VCL: variants seen among roughly 807,000 people sequenced by gnomAD.
The protein encoded by VCL is vinculin.
In VCL, 47 loss-of-function variants were observed where a neutral mutation model predicts 125.7. The observed-to-expected ratio is 0.37, with a 90% CI of 0.30 to 0.48. The LOEUF (loss-of-function observed/expected upper bound fraction) is 0.48, where lower values mean the gene tolerates loss of function less well. Ranked by LOEUF, VCL falls within the 20% of genes least tolerant of loss-of-function variation. The pLI is 0.99. For synonymous variants in VCL, 458 were observed against 514.6 expected, an observed-to-expected ratio of 0.89 and a Z score of 1.49; for missense variants, 1,069 against 1,455.5, an observed-to-expected ratio of 0.73 and a Z score of 4.32.
At position 74,097,351 on chromosome 10, in the gene VCL, C is replaced by G. The variant is rs763601034; in HGVS notation, c.1872+19C>G. Reference sequence around the variant, plus strand: ...GGAAGAGGTGGGTATCTGAGGTCTTCCATTTTTCTGTCAGCCTGTGCTATA... The same window carrying G: ...GGAAGAGGTGGGTATCTGAGGTCTTGCATTTTTCTGTCAGCCTGTGCTATA... On this transcript the variant is annotated intron_variant, in intron 13 of 21. Transcript: ENST00000211998. The surrounding 1 kb of genome is among the most constrained non-coding windows in gnomAD (Gnocchi z 4.1). The G allele has an allele frequency of 6.2e-7, 1 of 1,611,036 alleles. No homozygotes were observed. The highest frequency in any genetic ancestry group is 1.7e-5 in the Admixed American group (1 of 59,972).
At chr10:74,114,432 T>TGC (rs755935331) in intron 20 of VCL, 45 bp downstream of exon 20, 210 of 1,537,226 alleles carry the variant, frequency 1.4e-4, no homozygotes, top group African/African-American at 7.6e-4. Context: ...TGTGTGTGTG[T>TGC]GTGTGCGTGT....
At chr10:74,045,058 C>A (rs542298671) in intron 2 of VCL, among the ~76,000 whole-genome samples, 46 of 152,000 alleles carry the variant, frequency 3.0e-4, no homozygotes, top group Middle Eastern at 6.8e-3. Flanking sequence ...ATAGTCCCAG[C>A]CACCCAGGAG....
intron 18 of VCL, among the ~76,000 whole-genome samples, 167 bp from the exon 19 acceptor site, chr10:74,111,735 GAGGCTGA>G (rs1221408321): frequency 1.3e-5 from 2 of 152,138 alleles, no homozygotes; most frequent in Admixed American, 6.5e-5. Flanking sequence ...AGTGGCGCTG[GAGGCTGA>G]GAATTCCCCC....
chr10:74,072,386 G>C (rs1841674525), intron 4 of VCL, among the ~76,000 whole-genome samples: 1 of 152,008 alleles, frequency 6.6e-6, no homozygotes, highest in Non-Finnish European at 1.5e-5. Flanking sequence ...CAGAGACATG[G>C]CATGAAACCT....
In VCL at chr10:74,055,204, G is replaced by A. The variant is rs1841370982; in HGVS notation, c.239+12051G>A. Among the ~76,000 whole-genome samples, 2 of 152,068 alleles carry A rather than the reference G, an allele frequency of 1.3e-5. 1 individual carries two copies. The highest frequency in any genetic ancestry group is 4.2e-4 in the South Asian group (2 of 4,816). ...AGTCCCAGCTACTTGGGAGGCTGAG[G>A]TGGGAGAATGGCTTGAACCTGGGAG... On this transcript the variant is annotated intron_variant, in intron 2 of 21. Coordinates refer to ENST00000211998, the MANE Select transcript of VCL (RefSeq NM_014000.3).
intron 1 of VCL, among the ~76,000 whole-genome samples, chr10:74,035,108 T>C (rs959986444): frequency 3.9e-5 from 6 of 152,244 alleles, no homozygotes; most frequent in African/African-American, 1.2e-4. Flanking sequence ...TAGTTACGAC[T>C]TACATTGTAC....
chr10:74,060,667 AAAAAAG>A (rs1235749342), intron 2 of VCL, among the ~76,000 whole-genome samples: 2 of 151,434 alleles, frequency 1.3e-5, no homozygotes, highest in East Asian at 3.9e-4. Context: ...AAAAAAAAAA[AAAAAAG>A]AAAAAGAAAA....
At chr10:74,027,935 C>T (rs1242854904) in intron 1 of VCL, 1 of 152,120 alleles carries the variant, frequency 6.6e-6, no homozygotes, top group African/African-American at 2.4e-5. Context: ...CACAAATTTG[C>T]AAAAGAATTT....
intron 1 of VCL, among the ~76,000 whole-genome samples, chr10:74,040,565 GC>G (rs1390597003): frequency 2.0e-5 from 3 of 152,254 alleles, no homozygotes; most frequent in African/African-American, 7.2e-5. Context: ...CATGGCCATA[GC>G]TTTTTGAATG....
chr10:74,061,678 C>G (rs1018400906), intron 2 of VCL, among the ~76,000 whole-genome samples: 5 of 152,150 alleles, frequency 3.3e-5, no homozygotes, highest in African/African-American at 1.2e-4. Flanking sequence ...TTGGAGTTGT[C>G]CCACAGTTCA....
In VCL at chr10:74,042,042, A is replaced by T. The variant is rs144551857; in HGVS notation, c.169-1041A>T. On this transcript the variant is annotated intron_variant, in intron 1 of 21. Transcript: ENST00000211998. ...TACAAATTCATTCAATTTCCTAAGC[A>T]TTAGTACAACCAGTAGAATATTTTA... is the stretch of plus-strand genomic sequence containing the variant. Among the ~76,000 whole-genome samples the T allele has an allele frequency of 5.8e-3, 883 of 152,372 alleles. 6 individuals are homozygous for T. The highest frequency in any genetic ancestry group is 0.02 in the African/African-American group (836 of 41,596).
intron 1 of VCL, among the ~76,000 whole-genome samples, chr10:74,020,871 A>T (rs1037355275): frequency 9.2e-5 from 13 of 140,888 alleles, no homozygotes; most frequent in African/African-American, 3.3e-4. Context: ...AGAGAGCGAG[A>T]GATAAAACAG....
chr10:74,065,309 G>A (rs1014158336), intron 2 of VCL, among the ~76,000 whole-genome samples: 2 of 151,898 alleles, frequency 1.3e-5, no homozygotes, highest in African/African-American at 4.8e-5. Context: ...GCTAATTTTT[G>A]TATTCTTAGT....
At chr10:74,105,492 A>G in intron 16 of VCL, 139 bp downstream of exon 16, 2 of 1,111,854 alleles carry the variant, frequency 1.8e-6, no homozygotes, top group Non-Finnish European at 2.7e-6. Flanking sequence ...AGAATGCTAG[A>G]TTAATCTTTT....
At chr10:74,105,464 C>A in intron 16 of VCL, 111 bp downstream of exon 16, 1 of 1,309,084 alleles carries the variant, frequency 7.6e-7, no homozygotes, top group Non-Finnish European at 1.1e-6. Flanking sequence ...GGGGCAAAAA[C>A]TATAGACACT....
At chr10:74,092,682 C>G (rs1273523326) in intron 10 of VCL, among the ~76,000 whole-genome samples, 2 of 152,198 alleles carry the variant, frequency 1.3e-5, no homozygotes, top group Non-Finnish European at 2.9e-5. Flanking sequence ...GATACCATCA[C>G]TGGTTGACTA....
chr10:74,087,293 G>A (rs1300493442), intron 8 of VCL, among the ~76,000 whole-genome samples: 1 of 148,916 alleles, frequency 6.7e-6, no homozygotes. Flanking sequence ...ATGAAAAACA[G>A]AATAATTTTA....
chr10:74,099,643 G>A (rs1840020650), intron 13 of VCL, among the ~76,000 whole-genome samples: 1 of 152,168 alleles, frequency 6.6e-6, no homozygotes, highest in African/African-American at 2.4e-5. Flanking sequence ...GTTGAGTGAC[G>A]AGAAAAGCAA....
intron 2 of VCL, among the ~76,000 whole-genome samples, chr10:74,062,213 G>A (rs1841492785): frequency 1.3e-5 from 2 of 150,758 alleles, no homozygotes; most frequent in Non-Finnish European, 3.0e-5. Context: ...CTATAGGAGT[G>A]CACCACCACA....
Sources: gnomAD v4.1 joint callset for allele counts (sites outside exome capture counted in the v4.1 genomes callset) on GRCh38, gnomAD v4.1.1 for gene constraint, Gnocchi (gnomAD v3.1) non-coding constraint, MANE v1.5 for transcripts, NCBI Gene and HGNC (gene_info 2026-07-23, HGNC 2026-07-21) for gene names.